SHANK2: variants seen among roughly 807,000 people sequenced by gnomAD.
The protein encoded by SHANK2 is SH3 and multiple ankyrin repeat domains protein 2.
Under a neutral mutation model 133.7 loss-of-function variants are expected in SHANK2, and 43 were observed. The ratio of observed to expected loss-of-function variants is 0.32; its 90% CI spans 0.25 to 0.41. The LOEUF (loss-of-function observed/expected upper bound fraction) is 0.41. Ranked by LOEUF, SHANK2 falls within the 10% of genes least tolerant of loss-of-function variation. The pLI is 1.00. For missense variants in SHANK2, 1,994 were observed against 2,235.8 expected (o/e 0.89, Z 2.18); for synonymous variants, 1,017 against 952.8 (o/e 1.07, Z -1.24).
intron 15 of SHANK2, among the ~76,000 whole-genome samples, chr11:70,695,081 T>G (rs1178709435): frequency 6.6e-6 from 1 of 152,130 alleles, no homozygotes; most frequent in African/African-American, 2.4e-5. Context: ...ACGTCAGGAT[T>G]CCACTCATCT....
chr11:70,742,450 C>T (rs12270329), intron 14 of SHANK2, among the ~76,000 whole-genome samples: 5,695 of 152,310 alleles, frequency 0.037, 348 homozygotes, highest in African/African-American at 0.13. Flanking sequence ...TAGTTCTCTG[C>T]CTAGGTCCAG....
intron 13 of SHANK2, among the ~76,000 whole-genome samples, chr11:70,803,808 A>AT (rs1386694706): frequency 8.6e-5 from 13 of 150,664 alleles, no homozygotes; most frequent in Admixed American, 2.0e-4. Context: ...GAGCCCTTGA[A>AT]TTAAAAAAAA....
At chr11:70,536,803 T>C (rs1554974246) in intron 17 of SHANK2, among the ~76,000 whole-genome samples, 2 of 152,208 alleles carry the variant, frequency 1.3e-5, no homozygotes, top group Non-Finnish European at 2.9e-5. Flanking sequence ...CTCATCACTT[T>C]CTTCCTTTTT....
rs1950923045 is a variant in SHANK2 at position 71,056,540 on chromosome 11, G to A, written c.1048C>T (p.Leu350Phe). Residue 350 changes from leucine (L) to phenylalanine (F), a missense_variant, in exon 10 of 26, where the codon CTT (leucine) becomes TTT (phenylalanine). Leu to Phe is a conservative substitution (Grantham distance 22). Coordinates refer to ENST00000601538, the MANE Select transcript of SHANK2 (RefSeq NM_012309.5). ...LYNQDSCARVLLFRGGNKELK... is the reference protein window; with the variant it reads ...LYNQDSCARVFLFRGGNKELK... ...TCCTTATTTCCGCCTCGAAACAGAA[G>A]CACTCTTGCACAGCTGTCCTGCAAA... The A allele has an allele frequency of 6.6e-6, 1 of 152,210 alleles. No individual in the cohort carries two copies. The allele number at this position is 152,210 out of a possible 1,614,324, so 9.4% of individuals were successfully genotyped here.
At chr11:70,590,432 T>C (rs2060306291) in intron 17 of SHANK2, among the ~76,000 whole-genome samples, 1 of 152,228 alleles carries the variant, frequency 6.6e-6, no homozygotes, top group African/African-American at 2.4e-5. Flanking sequence ...CTGCTGTGGG[T>C]AAAATGCTAT....
chr11:70,706,329 C>T lies in SHANK2; in HGVS notation c.1778-7566G>A, dbSNP rs550074236. On this transcript the variant is annotated intron_variant, in intron 14 of 25. Transcript: ENST00000601538. ...ACTCAGTAACTCTGGAGAAAGTGAG[C>T]GAATGGGTCAAAGCCACACACCCTT... 5.9e-5 allele frequency among the ~76,000 whole-genome samples: 9 copies of T among 152,170 alleles called. No homozygotes were observed. The South Asian group carries it at 6.2e-4, about 11-fold the overall frequency.
At chr11:71,069,158 C>T (rs1951108936) in intron 9 of SHANK2, among the ~76,000 whole-genome samples, 1 of 151,482 alleles carries the variant, frequency 6.6e-6, no homozygotes, top group African/African-American at 2.4e-5. Flanking sequence ...ATCACCATGA[C>T]CACCCTCACC....
chr11:70,505,677 G>C (rs905963052), intron 17 of SHANK2, among the ~76,000 whole-genome samples: 1 of 152,162 alleles, frequency 6.6e-6, no homozygotes, highest in Non-Finnish European at 1.5e-5. Flanking sequence ...GCATTCTCTG[G>C]ATCTGATGCT....
At chr11:70,529,769 T>A (rs1307952768) in intron 17 of SHANK2, among the ~76,000 whole-genome samples, 1 of 152,224 alleles carries the variant, frequency 6.6e-6, no homozygotes, top group Non-Finnish European at 1.5e-5. Context: ...GGGCATTTCA[T>A]GTGAAAGGAA....
chr11:71,067,740 C>A (rs1158135369), intron 9 of SHANK2, among the ~76,000 whole-genome samples: 1 of 152,014 alleles, frequency 6.6e-6, no homozygotes, highest in East Asian at 1.9e-4. Flanking sequence ...ATGAGACCAT[C>A]GTCACTATCA....
intron 17 of SHANK2, among the ~76,000 whole-genome samples, chr11:70,621,562 T>G (rs1591660848): frequency 6.6e-6 from 1 of 151,994 alleles, no homozygotes; most frequent in Non-Finnish European, 1.5e-5. Context: ...GTGGACTGGG[T>G]GGAAGGAAGG....
At chr11:70,773,286 T>C (rs1221428923) in intron 14 of SHANK2, among the ~76,000 whole-genome samples, 1 of 152,174 alleles carries the variant, frequency 6.6e-6, no homozygotes, top group African/African-American at 2.4e-5. Context: ...AGCTTTGAGA[T>C]GATGAGGCCG....
At chr11:71,185,588 C>A (rs1352064170) in intron 2 of SHANK2, among the ~76,000 whole-genome samples, 2 of 152,128 alleles carry the variant, frequency 1.3e-5, no homozygotes, top group African/African-American at 4.8e-5. Context: ...GACTACCCAG[C>A]CAAACGGGGA....
At chr11:70,792,403 C>G (rs1413828589) in intron 14 of SHANK2, among the ~76,000 whole-genome samples, 1 of 141,006 alleles carries the variant, frequency 7.1e-6, no homozygotes, top group African/African-American at 2.9e-5. Flanking sequence ...AGCCAACCAA[C>G]CAACCAACCA....
intron 11 of SHANK2, among the ~76,000 whole-genome samples, chr11:70,850,517 T>C (rs1042733982): frequency 1.2e-3 from 188 of 152,198 alleles, no homozygotes; most frequent in African/African-American, 4.3e-3. Context: ...TCTGGGACAG[T>C]GTGTAGAAAC....
intron 10 of SHANK2, among the ~76,000 whole-genome samples, chr11:70,925,080 T>A (rs1235294437): frequency 6.6e-6 from 1 of 152,098 alleles, no homozygotes; most frequent in Non-Finnish European, 1.5e-5. Flanking sequence ...CAACTCTCCA[T>A]GGCGGTCGAC....
intron 14 of SHANK2, among the ~76,000 whole-genome samples, chr11:70,716,413 G>A (rs181644016): frequency 1.3e-5 from 2 of 152,280 alleles, no homozygotes; most frequent in Admixed American, 6.5e-5. Flanking sequence ...CTGAGGCTTC[G>A]GAAATAGGAC....
At position 71,178,876 on chromosome 11, in the gene SHANK2, A is replaced by G. The variant is rs997265051; in HGVS notation, c.-12-31538T>C. 3.3e-5 allele frequency among the ~76,000 whole-genome samples: 5 copies of G among 152,164 alleles called. No homozygotes were observed. The East Asian group carries it at 9.6e-4, about 29-fold the overall frequency. On this transcript the variant is annotated intron_variant, in intron 2 of 25. Transcript: ENST00000601538. ...TGCACGCCTGTAATCCCAGCTACTC[A>G]GCAGGCTGAGGCATGAGAGTCACTT...
intron 17 of SHANK2, among the ~76,000 whole-genome samples, chr11:70,623,958 G>A (rs1056936061): frequency 6.6e-5 from 10 of 152,170 alleles, no homozygotes; most frequent in Non-Finnish European, 1.5e-4. Flanking sequence ...GGGGAGCTGG[G>A]GTATAGGATG....
Sources: allele counts gnomAD v4.1 joint callset (sites outside exome capture counted in the v4.1 genomes callset), GRCh38; gene constraint gnomAD v4.1.1; transcripts MANE v1.5; gene names NCBI Gene and HGNC (gene_info 2026-07-23, HGNC 2026-07-21).